POLR3B: variants seen among roughly 807,000 people sequenced by gnomAD.
POLR3B encodes the protein RNA polymerase III subunit B.
A neutral mutation model predicts 147.4 loss-of-function variants in POLR3B; 96 were observed. The ratio of observed to expected loss-of-function variants is 0.65; its 90% CI spans 0.55 to 0.77. The LOEUF is 0.77. Among genes scored for constraint, POLR3B ranks in the 30% least tolerant of loss-of-function variants. The probability of loss-of-function intolerance (pLI) is 0.00; values close to 1 mark genes in which losing one functional copy is unlikely to be tolerated. For missense variants in POLR3B, 1,036 were observed against 1,413.5 expected, an observed-to-expected ratio of 0.73 and a Z score of 4.28; for synonymous variants, 461 against 485.9, an observed-to-expected ratio of 0.95 and a Z score of 0.67.
chr12:106,414,096 T>C (rs1447322852), intron 12 of POLR3B, among the ~76,000 whole-genome samples: 1 of 138,252 alleles, frequency 7.2e-6, no homozygotes, highest in Non-Finnish European at 1.6e-5. Context: ...GCATCTAGAA[T>C]CTAATATGCC....
rs372377891 is a variant in POLR3B, at chr12:106,377,118, G to A, written c.496+668G>A. ...AAAAAATCAAGTATCACACTTCAGGGTGTTTTAAATGCAGTAAAGCAGTAG... is the reference window on the plus strand; with the variant it reads ...AAAAAATCAAGTATCACACTTCAGGATGTTTTAAATGCAGTAAAGCAGTAG... On this transcript the variant is annotated intron_variant, in intron 7 of 27. Coordinates refer to ENST00000228347, the MANE Select transcript of POLR3B (RefSeq NM_018082.6). Among the ~76,000 whole-genome samples the A allele has an allele frequency of 1.1e-3, 168 of 152,220 alleles. 4 individuals are homozygous for A. In the East Asian group the frequency reaches 0.017, roughly 16 times the overall value.
intron 23 of POLR3B, among the ~76,000 whole-genome samples, chr12:106,466,332 C>T (rs7970973): frequency 0.085 from 12,903 of 152,048 alleles, 609 homozygotes; most frequent in Middle Eastern, 0.13. Context: ...TGTTTAAGTC[C>T]GTTGTAGATT....
At chr12:106,403,523 C>G (rs953189696) in intron 10 of POLR3B, among the ~76,000 whole-genome samples, 10 of 152,014 alleles carry the variant, frequency 6.6e-5, no homozygotes, top group Middle Eastern at 3.4e-3. Flanking sequence ...ATGTTTACTG[C>G]GGCACTATTC....
rs553342622 is a variant in POLR3B at position 106,471,067 on chromosome 12, C to G, written c.2713+7447C>G. 5.3e-5 allele frequency among the ~76,000 whole-genome samples: 8 copies of G among 152,284 alleles called. No homozygotes were observed. In the South Asian group the frequency reaches 1.7e-3, roughly 32 times the overall value. ...CCCCCAGAGGTAGAATCTAGAAAGG[C>G]AGTAAGCTTTGCTGAGCTGCGGTGG... On this transcript the variant is annotated intron_variant, in intron 23 of 27. Transcript: ENST00000228347.
chr12:106,421,748 G>A (rs2037376797), intron 12 of POLR3B, among the ~76,000 whole-genome samples: 1 of 151,966 alleles, frequency 6.6e-6, no homozygotes, highest in Admixed American at 6.6e-5. Context: ...CGCCCAGGCT[G>A]GAGTGCAGTG....
chr12:106,504,371 T>G lies in POLR3B; in HGVS notation c.3272+117T>G. On this transcript the variant is annotated intron_variant, in intron 27 of 27. Coordinates refer to ENST00000228347, the MANE Select transcript of POLR3B (RefSeq NM_018082.6). This position sits in a 1 kb window ranked among gnomAD's most constrained non-coding sequence, Gnocchi z 4.6. ...CAGCCTCTGTCTGTGATCACTAACA[T>G]ACCCTCCCTCATGCATGTATTCCTG... 3 of 827,728 alleles carry G rather than the reference T, an allele frequency of 3.6e-6. No homozygotes were observed. Among genetic ancestry groups the G allele is most frequent in the Non-Finnish European group, 6.3e-6 (3 of 473,824 alleles). 51.3% of individuals were successfully genotyped at this position (827,728 alleles called of 1,614,324 possible). A position where few individuals can be genotyped will look rare whatever the true frequency, so the allele number is the denominator to read the frequency against.
At chr12:106,363,982 A>T (rs2036499923) in intron 2 of POLR3B, 80 bp downstream of exon 2, 5 of 1,066,308 alleles carry the variant, frequency 4.7e-6, no homozygotes, top group Non-Finnish European at 7.1e-6. Flanking sequence ...TAAAGATTAA[A>T]TTTTTGTCAT....
At chr12:106,394,289 G>A (rs1469606066) in intron 10 of POLR3B, among the ~76,000 whole-genome samples, 1 of 152,194 alleles carries the variant, frequency 6.6e-6, no homozygotes, top group Non-Finnish European at 1.5e-5. Flanking sequence ...AGGGCAGGCA[G>A]CACCAGGAAG....
At chr12:106,446,358 A>T in intron 19 of POLR3B, 1 of 423,394 alleles carries the variant, frequency 2.4e-6, no homozygotes, top group Non-Finnish European at 4.7e-6. Context: ...TTTTTAAAAA[A>T]TAAAGAATAG....
chr12:106,463,346 G>A (rs2037964813), intron 22 of POLR3B, 132 bp from the exon 23 acceptor site: 3 of 756,508 alleles, frequency 4.0e-6, no homozygotes, highest in Non-Finnish European at 6.6e-6. Flanking sequence ...AAAAATTGAA[G>A]TCATTTTTCA....
chr12:106,383,996 GA>G (rs1042291348), intron 9 of POLR3B, among the ~76,000 whole-genome samples: 20 of 143,180 alleles, frequency 1.4e-4, no homozygotes, highest in Admixed American at 2.8e-4. Context: ...AAAAGAGAGA[GA>G]AAAAAAAAAA....
intron 12 of POLR3B, among the ~76,000 whole-genome samples, chr12:106,416,865 A>G (rs1478280062): frequency 2.6e-5 from 4 of 152,040 alleles, no homozygotes; most frequent in African/African-American, 4.8e-5. Flanking sequence ...CAAACATACC[A>G]TAATGCTCTT....
chr12:106,454,721 T>G lies in POLR3B; in HGVS notation c.2293+10T>G, dbSNP rs760673616. On this transcript the variant is annotated intron_variant, in intron 20 of 27. Transcript: ENST00000228347. ...GCCTCTTTAGACAGAGGTAAGTGAA[T>G]TTTCAAAACTAACACCAAAGTTGCT... 1 of 1,500,318 alleles carries G rather than the reference T, an allele frequency of 6.7e-7. No individual in the cohort carries two copies. The highest frequency in any genetic ancestry group is 1.7e-5 in the Admixed American group (1 of 59,748). 92.9% of individuals were successfully genotyped at this position (1,500,318 alleles called of 1,614,324 possible).
At chr12:106,445,208 G>A (rs1251823347) in intron 19 of POLR3B, among the ~76,000 whole-genome samples, 5 of 152,156 alleles carry the variant, frequency 3.3e-5, no homozygotes, top group Non-Finnish European at 7.4e-5. Flanking sequence ...ACATGAGGCT[G>A]GAGCCTGAAA....
intron 25 of POLR3B, among the ~76,000 whole-genome samples, chr12:106,497,424 G>C (rs1592777381): frequency 6.6e-6 from 1 of 152,146 alleles, no homozygotes; most frequent in African/African-American, 2.4e-5. Flanking sequence ...GATCGCCCAG[G>C]AGTTTGAGGC....
rs2036613538 is a variant in POLR3B at position 106,371,928 on chromosome 12, T to G, written c.404+2245T>G. On this transcript the variant is annotated intron_variant, in intron 6 of 27. Coordinates refer to ENST00000228347, the MANE Select transcript of POLR3B (RefSeq NM_018082.6). Reference sequence around the variant, plus strand: ...ACGTTGTGCACATGTACCCTAAAACTTAAAGTATAATAATAATAAAATAAA... The same window carrying G: ...ACGTTGTGCACATGTACCCTAAAACGTAAAGTATAATAATAATAAAATAAA... Among the ~76,000 whole-genome samples the G allele has an allele frequency of 2.6e-5, 4 of 152,006 alleles. No homozygotes were observed. In the South Asian group the frequency reaches 8.3e-4, roughly 32 times the overall value.
intron 10 of POLR3B, among the ~76,000 whole-genome samples, chr12:106,400,930 G>C (rs1456497378): frequency 6.6e-6 from 1 of 152,128 alleles, no homozygotes; most frequent in Admixed American, 6.5e-5. Flanking sequence ...AAAAGCAAGA[G>C]CAAACACATT....
At chr12:106,387,351 A>AT (rs34411830) in intron 9 of POLR3B, among the ~76,000 whole-genome samples, 1 of 151,972 alleles carries the variant, frequency 6.6e-6, no homozygotes, top group East Asian at 1.9e-4. Context: ...TTTAGGCGTC[A>AT]TTTTTTTCCC....
chr12:106,387,267 AT>A (rs1292828902), intron 9 of POLR3B, among the ~76,000 whole-genome samples: 1 of 152,144 alleles, frequency 6.6e-6, no homozygotes, highest in Admixed American at 6.5e-5. Flanking sequence ...CTGCATCATT[AT>A]TTTTAGTGAC....
Sources: allele counts gnomAD v4.1 joint callset (sites outside exome capture counted in the v4.1 genomes callset), GRCh38; gene constraint gnomAD v4.1.1; non-coding constraint Gnocchi (gnomAD v3.1); transcripts MANE v1.5; gene names NCBI Gene and HGNC (gene_info 2026-07-23, HGNC 2026-07-21).